The following FGF13 variants were observed in gnomAD, a reference collection of about 807,000 sequenced individuals.
FGF13 encodes the protein fibroblast growth factor homologous factor 2.
FGF13 carries 2 observed loss-of-function variants against 19.5 expected under a neutral mutation model. The observed-to-expected ratio is 0.10, with a 90% CI of 0.04 to 0.32. The LOEUF (loss-of-function observed/expected upper bound fraction) is 0.32. Ranked by LOEUF, FGF13 falls within the 10% of genes least tolerant of loss-of-function variation. The pLI, the probability that FGF13 is intolerant of heterozygous loss-of-function variation, is 1.00. For missense variants in FGF13, 113 were observed against 192.7 expected (o/e 0.59, Z 2.45); for synonymous variants, 72 against 76.9 (o/e 0.94, Z 0.33).
chrX:138,780,119 G>GAAA (rs1428106826), intron 3 of FGF13, among the ~76,000 whole-genome samples: 5 of 108,633 alleles, frequency 4.6e-5, no homozygotes, highest in African/African-American at 1.7e-4. Flanking sequence ...AATGCTGAGA[G>GAAA]ATTTTGTCAC....
chrX:138,884,851 C>T (rs139045925), intron 1 of FGF13, among the ~76,000 whole-genome samples: 4,794 of 111,436 alleles, frequency 0.043, 276 homozygotes, highest in African/African-American at 0.15. Context: ...ATGAATCAAT[C>T]GCTGCAACAC....
chrX:138,664,790 C>T (rs1418476616), intron 3 of FGF13, among the ~76,000 whole-genome samples: 1 of 110,841 alleles, frequency 9.0e-6, no homozygotes, highest in Non-Finnish European at 1.9e-5. Context: ...CTGAACCTCC[C>T]TCTACCAATA....
chrX:139,168,285 A>T (rs946892471), intron 1 of FGF13, among the ~76,000 whole-genome samples: 7 of 111,737 alleles, frequency 6.3e-5, no homozygotes, highest in African/African-American at 1.9e-4. Context: ...TATCAGATAA[A>T]ATTCCAAAAC....
At chrX:138,787,132 C>A (rs981427549) in intron 3 of FGF13, among the ~76,000 whole-genome samples, 2 of 112,533 alleles carry the variant, frequency 1.8e-5, no homozygotes, top group African/African-American at 6.5e-5. Flanking sequence ...GCAGAATATT[C>A]TTCCTCATTA....
intron 1 of FGF13, among the ~76,000 whole-genome samples, chrX:139,002,572 T>TC (rs1020786159): frequency 9.1e-6 from 1 of 110,378 alleles, no homozygotes; most frequent in African/African-American, 3.3e-5. Flanking sequence ...GTACCACTTG[T>TC]CCCCCAACCC....
rs1222993272 is a variant in FGF13, at chrX:138,626,268, C to CTAAT, written c.*6581_*6582insATTA. 3 of 111,915 alleles carry CTAAT rather than the reference C, an allele frequency of 2.7e-5. No homozygotes were observed. The highest frequency in any genetic ancestry group is 9.8e-5 in the African/African-American group (3 of 30,755). 9.2% of individuals were successfully genotyped at this position (111,915 alleles called of 1,213,427 possible). A position where few individuals can be genotyped will look rare whatever the true frequency, so the allele number is the denominator to read the frequency against. On this transcript the variant is annotated 3_prime_UTR_variant, in exon 5 of 5. Transcript: ENST00000315930. ...AGGGGCTCTGCCCCTCATTGTCCAGCTACACTAGGCTAATTAATATTTTAG... is the reference window on the plus strand; with the variant it reads ...AGGGGCTCTGCCCCTCATTGTCCAGCTAATTACACTAGGCTAATTAATATTTTAG...
chrX:138,698,987 A>C (rs1234041802), intron 3 of FGF13, among the ~76,000 whole-genome samples: 1 of 111,640 alleles, frequency 9.0e-6, no homozygotes, highest in Non-Finnish European at 1.9e-5. Context: ...CCACGGCCTT[A>C]GCTTACCTAC....
At chrX:139,189,557 A>G (rs1384967287) in intron 1 of FGF13, among the ~76,000 whole-genome samples, 1 of 112,097 alleles carries the variant, frequency 8.9e-6, no homozygotes, top group Non-Finnish European at 1.9e-5. Context: ...CTTTATAGCA[A>G]TGCTAAATGA....
chrX:139,088,105 A>G (rs1261108441), intron 1 of FGF13, among the ~76,000 whole-genome samples: 2 of 111,950 alleles, frequency 1.8e-5, no homozygotes, highest in African/African-American at 6.5e-5. Context: ...GAAGTATGTT[A>G]TTCCTGCAAA....
chrX:139,016,752 C>A (rs1024177731), intron 1 of FGF13, among the ~76,000 whole-genome samples: 1 of 111,356 alleles, frequency 9.0e-6, no homozygotes, highest in African/African-American at 3.3e-5. Flanking sequence ...GTTGCTCCAG[C>A]CTCCCTGGTC....
intron 3 of FGF13, among the ~76,000 whole-genome samples, chrX:138,747,604 T>C (rs749104083): frequency 8.9e-4 from 100 of 112,086 alleles, no homozygotes; most frequent in African/African-American, 3.1e-3. Context: ...AATAATAGCA[T>C]TGAGTGAAAA....
rs2089102442 is a variant in FGF13 at position 138,630,185 on chromosome X, G to A, written c.*2665C>T. ...AAGGCAGCTCAAAAAGAATGCTGGG[G>A]GTAAAGGATTCTTCCTGGGCATTTT... On this transcript the variant is annotated 3_prime_UTR_variant, in exon 5 of 5. Coordinates refer to ENST00000315930, the MANE Select transcript of FGF13 (RefSeq NM_004114.5). The A allele has an allele frequency of 9.0e-6, 1 of 110,671 alleles. No homozygotes were observed. The highest frequency in any genetic ancestry group is 3.3e-5 in the African/African-American group (1 of 30,368). The allele number at this position is 110,671 out of a possible 1,213,427, so 9.1% of individuals were successfully genotyped here. A position where few individuals can be genotyped will look rare whatever the true frequency, so the allele number is the denominator to read the frequency against.
chrX:138,704,643 G>A (rs761361850), intron 2 of FGF13, among the ~76,000 whole-genome samples: 6 of 112,119 alleles, frequency 5.4e-5, no homozygotes, highest in Middle Eastern at 9.3e-3. Flanking sequence ...TCCTTGGTGA[G>A]CCTACAACGT....
chrX:138,885,191 G>A (rs1037781248), intron 1 of FGF13, among the ~76,000 whole-genome samples: 1 of 111,339 alleles, frequency 9.0e-6, no homozygotes, highest in Non-Finnish European at 1.9e-5. Flanking sequence ...GAAGGAAGGG[G>A]AAATGAAGGA....
intron 1 of FGF13, among the ~76,000 whole-genome samples, chrX:138,957,496 G>T (rs992728909): frequency 8.9e-6 from 1 of 111,780 alleles, no homozygotes; most frequent in African/African-American, 3.2e-5. Context: ...GATTGTCTTG[G>T]CAATGCAGGC....
intron 1 of FGF13, among the ~76,000 whole-genome samples, chrX:138,871,346 C>T (rs1300561673): frequency 9.0e-6 from 1 of 111,254 alleles, no homozygotes; most frequent in African/African-American, 3.3e-5. Context: ...AGGCACTATT[C>T]AAAGCATACA....
chrX:139,062,419 G>C (rs1454373484), intron 1 of FGF13, among the ~76,000 whole-genome samples: 4 of 111,877 alleles, frequency 3.6e-5, no homozygotes, highest in Non-Finnish European at 7.5e-5. Flanking sequence ...ACTAGTCTGT[G>C]TGTCAGGACA....
intron 1 of FGF13, among the ~76,000 whole-genome samples, chrX:138,735,755 G>A (rs1023372285): frequency 8.9e-6 from 1 of 111,897 alleles, no homozygotes; most frequent in Non-Finnish European, 1.9e-5. Flanking sequence ...AGCTTAGCAA[G>A]CTTTGGTCAA....
intron 3 of FGF13, among the ~76,000 whole-genome samples, chrX:138,822,085 ATG>A (rs1303904537): frequency 1.8e-5 from 2 of 111,690 alleles, no homozygotes; most frequent in East Asian, 5.7e-4. Flanking sequence ...AAGTCAAGAA[ATG>A]TGGTTTTTCC....
Sources: allele counts gnomAD v4.1 joint callset (sites outside exome capture counted in the v4.1 genomes callset), GRCh38; gene constraint gnomAD v4.1.1; transcripts MANE v1.5; gene names NCBI Gene and HGNC (gene_info 2026-07-23, HGNC 2026-07-21).